Variants in ROBO2 observed in about 807,000 individuals in gnomAD.
ROBO2 encodes roundabout guidance receptor 2, also known as roundabout homolog 2.
In ROBO2, 53 loss-of-function variants were observed where a neutral mutation model predicts 160.8. That is an observed-to-expected ratio of 0.33 (90% CI 0.26 to 0.41). The LOEUF (loss-of-function observed/expected upper bound fraction) is 0.41, where lower values mean the gene tolerates loss of function less well. Among genes scored for constraint, ROBO2 ranks in the 10% least tolerant of loss-of-function variants. The probability of loss-of-function intolerance (pLI) is 1.00; values close to 1 mark genes in which losing one functional copy is unlikely to be tolerated. For synonymous variants in ROBO2, 664 were observed against 611.7 expected, an observed-to-expected ratio of 1.09 and a Z score of -1.26; for missense variants, 1,577 against 1,722.4, an observed-to-expected ratio of 0.92 and a Z score of 1.49.
chr3:77,069,475 A>G (rs1234638851), intron 1 of ROBO2, among the ~76,000 whole-genome samples: 3 of 152,186 alleles, frequency 2.0e-5, no homozygotes, highest in African/African-American at 7.2e-5. Context: ...TGAAATATAT[A>G]TTGATTCAAT....
At chr3:76,887,183 C>G (rs1437243251) in intron 2 of ROBO2, among the ~76,000 whole-genome samples, 3 of 138,204 alleles carry the variant, frequency 2.2e-5, no homozygotes, top group Non-Finnish European at 4.6e-5. Flanking sequence ...CCTGCCTTTG[C>G]TTCAGGAAGC....
chr3:76,628,982 A>ACGTC (rs113535745), intron 2 of ROBO2, among the ~76,000 whole-genome samples: 1 of 151,594 alleles, frequency 6.6e-6, no homozygotes, highest in African/African-American at 2.4e-5. Flanking sequence ...AAGGTATACT[A>ACGTC]AGCATAATAT....
chr3:76,681,646 A>G (rs1221256041), intron 2 of ROBO2, among the ~76,000 whole-genome samples: 1 of 152,174 alleles, frequency 6.6e-6, no homozygotes, highest in Non-Finnish European at 1.5e-5. Flanking sequence ...CAGGAGAGAA[A>G]TTGACTTGTG....
intron 2 of ROBO2, among the ~76,000 whole-genome samples, chr3:76,236,556 G>A (rs1213818428): frequency 6.6e-6 from 1 of 152,082 alleles, no homozygotes; most frequent in Non-Finnish European, 1.5e-5. Flanking sequence ...TAATTTTCGT[G>A]TTACTTTCTA....
At chr3:77,564,503 G>C (rs1184682789) in intron 11 of ROBO2, 1 of 455,432 alleles carries the variant, frequency 2.2e-6, no homozygotes. Context: ...TGATGCAAAA[G>C]AAAACACACC....
chr3:77,411,122 T>G (rs570501921), intron 2 of ROBO2, among the ~76,000 whole-genome samples: 14 of 152,222 alleles, frequency 9.2e-5, no homozygotes, highest in African/African-American at 3.1e-4. Flanking sequence ...ATCTGTAATC[T>G]CTTATAAGCA....
chr3:76,002,630 C>G (rs564782672), intron 2 of ROBO2, among the ~76,000 whole-genome samples: 9 of 152,098 alleles, frequency 5.9e-5, no homozygotes, highest in African/African-American at 2.2e-4. Flanking sequence ...TGAGGCCTTC[C>G]CAGCACGTGG....
chr3:76,249,869 A>G (rs1239076921), intron 2 of ROBO2, among the ~76,000 whole-genome samples: 1 of 152,138 alleles, frequency 6.6e-6, no homozygotes, highest in Non-Finnish European at 1.5e-5. Flanking sequence ...ATATTATTAT[A>G]GAATCTGTCT....
intron 2 of ROBO2, chr3:76,435,106 C>G (rs2076610580): frequency 1.0e-6 from 1 of 968,872 alleles, no homozygotes; most frequent in Non-Finnish European, 1.7e-6. Context: ...AAAATGAACT[C>G]CATTACAGTA....
At chr3:77,320,099 C>T (rs1016523010) in intron 2 of ROBO2, among the ~76,000 whole-genome samples, 1 of 152,140 alleles carries the variant, frequency 6.6e-6, no homozygotes, top group African/African-American at 2.4e-5. Flanking sequence ...TAATTCATTA[C>T]ACCAAGTAAA....
At chr3:75,923,924 A>C (rs1947171992) in intron 1 of ROBO2, among the ~76,000 whole-genome samples, 1 of 152,190 alleles carries the variant, frequency 6.6e-6, no homozygotes. Flanking sequence ...TTTATAAAGT[A>C]ATATTTTAAA....
At chr3:75,926,158 A>G (rs941713561) in intron 1 of ROBO2, among the ~76,000 whole-genome samples, 1 of 152,184 alleles carries the variant, frequency 6.6e-6, no homozygotes, top group Non-Finnish European at 1.5e-5. Flanking sequence ...GCAAGGAATC[A>G]AATTTCCTTT....
chr3:75,978,875 A>G (rs892701621), intron 2 of ROBO2, among the ~76,000 whole-genome samples: 3 of 151,566 alleles, frequency 2.0e-5, no homozygotes, highest in Admixed American at 6.6e-5. Context: ...AGCGAAGTAC[A>G]TGTAGGATGG....
chr3:77,450,647 C>T (rs942415731), intron 2 of ROBO2, among the ~76,000 whole-genome samples: 6 of 152,120 alleles, frequency 3.9e-5, no homozygotes, highest in East Asian at 3.9e-4. Flanking sequence ...GATACTTATA[C>T]GTGAGATTTC....
At chr3:76,421,452 C>T (rs558951228) in intron 2 of ROBO2, among the ~76,000 whole-genome samples, 12 of 152,018 alleles carry the variant, frequency 7.9e-5, no homozygotes, top group South Asian at 2.1e-4. Flanking sequence ...GTAGGCTGGG[C>T]GCAGTGGCTC....
chr3:77,145,068 G>C lies in ROBO2; in HGVS notation c.388+46728G>C, dbSNP rs1418685590. On this transcript the variant is annotated intron_variant, in intron 2 of 25. Transcript: ENST00000461745. ...GTATTATATACAATGAAGGTACTTA[G>C]ATTCAAATTGAAATGAATAAAGTTA... Among the ~76,000 whole-genome samples the C allele has an allele frequency of 2.6e-5, 4 of 152,172 alleles. No homozygotes were observed. In the Middle Eastern group the frequency reaches 0.01, roughly 388 times the overall value.
intron 1 of ROBO2, among the ~76,000 whole-genome samples, chr3:75,907,628 A>G (rs902152948): frequency 6.6e-6 from 1 of 152,126 alleles, no homozygotes; most frequent in East Asian, 1.9e-4. Context: ...GATTTCTTTA[A>G]CAGCACAAAA....
At chr3:77,135,778 T>A (rs988890701) in intron 2 of ROBO2, among the ~76,000 whole-genome samples, 1 of 152,146 alleles carries the variant, frequency 6.6e-6, no homozygotes, top group Admixed American at 6.5e-5. Flanking sequence ...ACCTGAAGAA[T>A]CTTGAAGCAG....
rs749900899 is a variant in ROBO2 at position 76,670,487 on chromosome 3, A to G, written c.110-427527A>G. ...ATGTCACCTGTATTTAATATACTAC[A>G]TAAAAATCAGTCAGCAAGTGTCAAA... is the stretch of plus-strand genomic sequence containing the variant. On this transcript the variant is annotated intron_variant, in intron 2 of 26. Coordinates refer to the ROBO2 transcript ENST00000487694. 2.1e-4 allele frequency among the ~76,000 whole-genome samples: 32 copies of G among 152,200 alleles called. 1 individual carries two copies. The highest frequency in any genetic ancestry group is 4.0e-4 in the Non-Finnish European group (27 of 68,010).
Sources: allele counts gnomAD v4.1 joint callset (sites outside exome capture counted in the v4.1 genomes callset), GRCh38; gene constraint gnomAD v4.1.1; transcripts MANE v1.5; gene names NCBI Gene and HGNC (gene_info 2026-07-23, HGNC 2026-07-21).